The following SLC35D4 variants were observed in gnomAD, a reference collection of about 807,000 sequenced individuals.
SLC35D4 encodes the protein solute carrier family 35 member D4, also known as UDP-N-acetylglucosamine transporter SLC35D4.
At chr18:23,276,414 G>A in the SLC35D4 span, among the ~76,000 whole-genome samples, 1 of 150,890 alleles carries the variant, frequency 6.6e-6, no homozygotes, top group Non-Finnish European at 1.5e-5. Context: ...TATGTTATGT[G>A]TATTTTACCA....
the SLC35D4 span, among the ~76,000 whole-genome samples, chr18:23,362,499 T>C: frequency 6.6e-6 from 1 of 152,170 alleles, no homozygotes; most frequent in East Asian, 1.9e-4. Flanking sequence ...CTTGGGAGGC[T>C]GAGGCAGGAG....
the SLC35D4 span, among the ~76,000 whole-genome samples, chr18:23,336,558 G>A: frequency 1.3e-5 from 2 of 152,188 alleles, no homozygotes; most frequent in African/African-American, 4.8e-5. Context: ...ACAGCTTCAT[G>A]TGGTTTAACA....
the SLC35D4 span, among the ~76,000 whole-genome samples, chr18:23,261,749 T>C: frequency 1.3e-4 from 20 of 152,246 alleles, no homozygotes; most frequent in Non-Finnish European, 2.6e-4. Flanking sequence ...TCTTACAAAA[T>C]AGGCTTTATG....
At chr18:23,307,735 C>T in the SLC35D4 span, among the ~76,000 whole-genome samples, 2 of 152,340 alleles carry the variant, frequency 1.3e-5, no homozygotes, top group East Asian at 1.9e-4. Flanking sequence ...GAGTCACGGG[C>T]TCTGAGGGCT....
At chr18:23,389,954 C>T in the SLC35D4 span, among the ~76,000 whole-genome samples, 4 of 152,286 alleles carry the variant, frequency 2.6e-5, no homozygotes, top group East Asian at 7.7e-4. Flanking sequence ...TTCAGAAAAT[C>T]TGCCCTTTAT....
the SLC35D4 span, among the ~76,000 whole-genome samples, chr18:23,436,173 G>T: frequency 6.6e-6 from 1 of 151,494 alleles, no homozygotes; most frequent in Non-Finnish European, 1.5e-5. Context: ...AATTACAGGC[G>T]CCTGCCACCA....
chr18:23,353,171 G>A, the SLC35D4 span, among the ~76,000 whole-genome samples: 3 of 151,234 alleles, frequency 2.0e-5, no homozygotes, highest in African/African-American at 7.3e-5. Context: ...ATGTGCAAGT[G>A]GTGGTTTGAG....
At chr18:23,328,108 G>A in the SLC35D4 span, among the ~76,000 whole-genome samples, 1 of 152,284 alleles carries the variant, frequency 6.6e-6, no homozygotes, top group South Asian at 2.1e-4. Context: ...TACTGAATGG[G>A]CAAAAACTGG....
chr18:23,425,628 G>C, the SLC35D4 span, among the ~76,000 whole-genome samples: 119 of 152,208 alleles, frequency 7.8e-4, 2 homozygotes, highest in Admixed American at 2.9e-3. Context: ...CATCAGGAGA[G>C]AGTATTGTAG....
chr18:23,332,105 G>A, the SLC35D4 span, among the ~76,000 whole-genome samples: 1 of 151,138 alleles, frequency 6.6e-6, no homozygotes, highest in Non-Finnish European at 1.5e-5. Flanking sequence ...ATGTTGCCTA[G>A]GCTAGTCTCA....
chr18:23,429,524 C>T, the SLC35D4 span, among the ~76,000 whole-genome samples: 1 of 152,116 alleles, frequency 6.6e-6, no homozygotes, highest in Non-Finnish European at 1.5e-5. Context: ...CAGGAATGTG[C>T]CATTATGCCT....
chr18:23,258,333 G>GTGTT, the SLC35D4 span: 1 of 152,580 alleles, frequency 6.6e-6, no homozygotes, highest in Non-Finnish European at 1.5e-5. Flanking sequence ...CTATATAAAA[G>GTGTT]TGTTTTATAA....
the SLC35D4 span, among the ~76,000 whole-genome samples, chr18:23,433,957 T>A: frequency 6.6e-6 from 1 of 152,000 alleles, no homozygotes; most frequent in Non-Finnish European, 1.5e-5. Flanking sequence ...ATGCTCATAA[T>A]AGAATATGCT....
chr18:23,339,673 G>A, the SLC35D4 span, among the ~76,000 whole-genome samples: 3 of 152,196 alleles, frequency 2.0e-5, no homozygotes. Flanking sequence ...ATAAAGATTT[G>A]TCTCTCATAG....
chr18:23,371,261 AT>A, the SLC35D4 span, among the ~76,000 whole-genome samples: 2 of 151,876 alleles, frequency 1.3e-5, no homozygotes, highest in African/African-American at 4.8e-5. Flanking sequence ...TGCCTGGCTA[AT>A]TTTTGTATTT....
At chr18:23,276,628 T>C in the SLC35D4 span, among the ~76,000 whole-genome samples, 4 of 152,114 alleles carry the variant, frequency 2.6e-5, no homozygotes, top group East Asian at 3.9e-4. Context: ...GTCCCACCCA[T>C]ATGCACTTGA....
the SLC35D4 span, among the ~76,000 whole-genome samples, chr18:23,262,047 T>A: frequency 6.6e-6 from 1 of 152,286 alleles, no homozygotes; most frequent in South Asian, 2.1e-4. Context: ...TGTATGCCTG[T>A]TAAAGTCTGA....
At chr18:23,354,519 CAAAAA>C in the SLC35D4 span, among the ~76,000 whole-genome samples, 2 of 104,214 alleles carry the variant, frequency 1.9e-5, no homozygotes, top group African/African-American at 3.7e-5. Flanking sequence ...GATTCCGTCT[CAAAAA>C]AAAAAAAAAA....
chr18:23,294,783 C>T, the SLC35D4 span, among the ~76,000 whole-genome samples: 1 of 151,910 alleles, frequency 6.6e-6, no homozygotes, highest in African/African-American at 2.4e-5. Context: ...AAACAACAAA[C>T]AAACCAAAAA....
Sources: gnomAD v4.1 joint callset for allele counts (sites outside exome capture counted in the v4.1 genomes callset) on GRCh38, gnomAD v4.1.1 for gene constraint, MANE v1.5 for transcripts, NCBI Gene and HGNC (gene_info 2026-07-23, HGNC 2026-07-21) for gene names.